Variants in TTLL11 observed in about 807,000 individuals in gnomAD.
TTLL11 encodes the protein tubulin polyglutamylase TTLL11.
In TTLL11, 42 loss-of-function variants were observed where a neutral mutation model predicts 51.7. The ratio of observed to expected loss-of-function variants is 0.81; its 90% CI spans 0.64 to 1.05. The LOEUF (loss-of-function observed/expected upper bound fraction) is 1.05. Ranked by LOEUF, TTLL11 falls within the 50% of genes least tolerant of loss-of-function variation. TTLL11 has a pLI of 0.00. For missense variants in TTLL11, 799 were observed against 940.4 expected, an observed-to-expected ratio of 0.85 and a Z score of 1.97; for synonymous variants, 381 against 383.5, an observed-to-expected ratio of 0.99 and a Z score of 0.08.
At chr9:121,857,790 C>T (rs554014755) in intron 8 of TTLL11, among the ~76,000 whole-genome samples, 33 of 152,256 alleles carry the variant, frequency 2.2e-4, no homozygotes, top group African/African-American at 6.3e-4. Context: ...TTCCGCTTAC[C>T]GGGAGCAATT....
intron 8 of TTLL11, among the ~76,000 whole-genome samples, chr9:121,857,875 A>C (rs962952948): frequency 6.6e-6 from 1 of 152,196 alleles, no homozygotes; most frequent in African/African-American, 2.4e-5. Context: ...TTGCAGCAAT[A>C]AAACATGATA....
At position 121,856,563 on chromosome 9, in the gene TTLL11, A is replaced by G. The variant is rs115252417; in HGVS notation, c.1840+3774T>C. Among the ~76,000 whole-genome samples, 527 of 113,986 alleles carry G rather than the reference A, an allele frequency of 4.6e-3. 8 individuals are homozygous for G. The highest frequency in any genetic ancestry group is 0.014 in the African/African-American group (499 of 35,030). The allele number at this position is 113,986 out of a possible 152,430, so 74.8% of individuals were successfully genotyped here. ...AAATGGTCTCTTTTTTTCCCTTAAGAGGCTAGGATCTGTACCTAATTTATC... is the reference window on the plus strand; with the variant it reads ...AAATGGTCTCTTTTTTTCCCTTAAGGGGCTAGGATCTGTACCTAATTTATC... On this transcript the variant is annotated intron_variant, in intron 8 of 8. Coordinates refer to ENST00000321582, the MANE Select transcript of TTLL11 (RefSeq NM_001139442.2).
intron 6 of TTLL11, among the ~76,000 whole-genome samples, chr9:121,945,985 G>A (rs572788583): frequency 7.9e-5 from 12 of 152,218 alleles, no homozygotes; most frequent in Non-Finnish European, 1.6e-4. Context: ...AAAACTCTAT[G>A]TGCCAGGCCC....
In TTLL11 at chr9:121,819,825, C is replaced by T. The variant is rs1030355818; in HGVS notation, c.*2762G>A. Among the ~76,000 whole-genome samples, 4 of 152,124 alleles carry T rather than the reference C, an allele frequency of 2.6e-5. No individual in the cohort carries two copies. The highest frequency in any genetic ancestry group is 2.1e-4 in the South Asian group (1 of 4,816). ...AATTACATCCAATAAAACGAGTGGC[C>T]GATTACCAAAGGGGTAAACACAGTG... is the stretch of plus-strand genomic sequence containing the variant. On this transcript the variant is annotated 3_prime_UTR_variant, in exon 9 of 9. Transcript: ENST00000321582.
intron 1 of TTLL11, among the ~76,000 whole-genome samples, chr9:122,085,804 G>GCTA (rs1433846020): frequency 6.6e-6 from 1 of 152,158 alleles, no homozygotes; most frequent in African/African-American, 2.4e-5. Flanking sequence ...CTAGCCCATT[G>GCTA]CTACAGCTGA....
intron 6 of TTLL11, among the ~76,000 whole-genome samples, chr9:121,966,746 C>T (rs915436041): frequency 7.2e-5 from 11 of 152,148 alleles, no homozygotes; most frequent in Admixed American, 6.5e-4. Context: ...AGGCCCAGGA[C>T]CCAGGTTCCA....
intron 6 of TTLL11, among the ~76,000 whole-genome samples, chr9:121,916,834 G>A (rs1388653579): frequency 6.6e-6 from 1 of 152,148 alleles, no homozygotes; most frequent in Non-Finnish European, 1.5e-5. Flanking sequence ...ACTTTATTCA[G>A]ACAAACCTAA....
chr9:122,067,160 C>T lies in TTLL11; in HGVS notation c.462+25527G>A, dbSNP rs147034398. ...TGCATACCTTGGGCAAGTCACTCAACCTTTGTGAACCCATCCCCTTCTTTG... is the reference window on the plus strand; with the variant it reads ...TGCATACCTTGGGCAAGTCACTCAATCTTTGTGAACCCATCCCCTTCTTTG... On this transcript the variant is annotated intron_variant, in intron 1 of 8. Transcript: ENST00000321582. Among the ~76,000 whole-genome samples, 9 of 152,278 alleles carry T rather than the reference C, an allele frequency of 5.9e-5. No homozygotes were observed. The East Asian group carries it at 1.7e-3, about 29-fold the overall frequency.
chr9:121,979,447 T>C (rs1842782548), intron 4 of TTLL11, among the ~76,000 whole-genome samples: 1 of 152,224 alleles, frequency 6.6e-6, no homozygotes, highest in Non-Finnish European at 1.5e-5. Context: ...TACACAGCAA[T>C]AGATAACAAA....
At position 121,995,304 on chromosome 9, in the gene TTLL11, C is replaced by T. The variant is rs969944199; in HGVS notation, c.694-5534G>A. Among the ~76,000 whole-genome samples, 2 of 152,036 alleles carry T rather than the reference C, an allele frequency of 1.3e-5. No individual in the cohort carries two copies. Among genetic ancestry groups the T allele is most frequent in the African/African-American group, 4.8e-5 (2 of 41,366 alleles). On this transcript the variant is annotated intron_variant, in intron 3 of 8. Coordinates refer to ENST00000321582, the MANE Select transcript of TTLL11 (RefSeq NM_001139442.2). The surrounding 1 kb of genome is among the most constrained non-coding windows in gnomAD (Gnocchi z 4.4). ...AGGCGAAGGATGGAGTTTCAACTGG[C>T]GAGGGACATGCATCCACGCATCACC...
Position 121,989,888 on chromosome 9 carries a change from G to C in TTLL11, c.694-118C>G, listed in dbSNP as rs879637522. The C allele has an allele frequency of 2.1e-5, 32 of 1,496,666 alleles. No individual in the cohort carries two copies. The highest frequency in any genetic ancestry group is 2.6e-5 in the Non-Finnish European group (30 of 1,132,602). The allele number at this position is 1,496,666 out of a possible 1,614,324, so 92.7% of individuals were successfully genotyped here. A position where few individuals can be genotyped will look rare whatever the true frequency, so the allele number is the denominator to read the frequency against. ...GTGACAAGATGATCCCTGCCGATCT[G>C]AGCAGGGGCTGAGCATCTTCCATGG... On this transcript the variant is annotated intron_variant, in intron 3 of 8. Transcript: ENST00000321582. This position sits in a 1 kb window ranked among gnomAD's most constrained non-coding sequence, Gnocchi z 4.2.
intron 6 of TTLL11, among the ~76,000 whole-genome samples, chr9:121,934,481 T>A (rs1161514692): frequency 2.0e-5 from 3 of 152,188 alleles, no homozygotes; most frequent in Admixed American, 1.3e-4. Context: ...TGGCGGCAGA[T>A]AGGAGTTTTC....
chr9:121,876,277 G>A (rs1324775489), intron 6 of TTLL11, among the ~76,000 whole-genome samples: 4 of 152,250 alleles, frequency 2.6e-5, no homozygotes, highest in African/African-American at 9.6e-5. Flanking sequence ...GAAATTAACA[G>A]AGAAGTAGAT....
intron 8 of TTLL11, among the ~76,000 whole-genome samples, chr9:121,823,526 A>T (rs1836648786): frequency 6.6e-6 from 1 of 152,208 alleles, no homozygotes; most frequent in Non-Finnish European, 1.5e-5. Context: ...AGCCTGGGTG[A>T]CAGAGTAAGA....
chr9:121,941,435 G>A (rs910087559), intron 6 of TTLL11, among the ~76,000 whole-genome samples: 14 of 152,278 alleles, frequency 9.2e-5, no homozygotes, highest in African/African-American at 3.1e-4. Context: ...CGACATTTGC[G>A]GAGCATTGAC....
chr9:122,073,628 A>G (rs1164852890), intron 1 of TTLL11, among the ~76,000 whole-genome samples: 1 of 152,186 alleles, frequency 6.6e-6, no homozygotes, highest in African/African-American at 2.4e-5. Context: ...GCAGGCAGAA[A>G]GAAGATCAGA....
At chr9:122,046,323 C>G (rs374171386) in intron 1 of TTLL11, among the ~76,000 whole-genome samples, 1 of 152,130 alleles carries the variant, frequency 6.6e-6, no homozygotes, top group African/African-American at 2.4e-5. Flanking sequence ...TGTAAGACAC[C>G]TCCTTCCTGT....
chr9:121,914,354 A>G (rs1366905926), intron 6 of TTLL11, among the ~76,000 whole-genome samples: 2 of 152,206 alleles, frequency 1.3e-5, no homozygotes, highest in South Asian at 2.1e-4. Context: ...TGCCCTCTCC[A>G]GGCATAGGGC....
chr9:121,874,311 A>G (rs917955812), intron 6 of TTLL11, among the ~76,000 whole-genome samples: 1 of 152,204 alleles, frequency 6.6e-6, no homozygotes, highest in Admixed American at 6.5e-5. Flanking sequence ...CCACCCCATT[A>G]TTCAAATATA....
Sources: allele counts gnomAD v4.1 joint callset (sites outside exome capture counted in the v4.1 genomes callset), GRCh38; gene constraint gnomAD v4.1.1; non-coding constraint Gnocchi (gnomAD v3.1); transcripts MANE v1.5; gene names NCBI Gene and HGNC (gene_info 2026-07-23, HGNC 2026-07-21).